Variants in CACNB4 observed in about 807,000 individuals in gnomAD.
CACNB4 encodes the protein voltage-dependent L-type calcium channel subunit beta-4.
A neutral mutation model predicts 71.2 loss-of-function variants in CACNB4; 32 were observed. That is an observed-to-expected ratio of 0.45 (90% CI 0.34 to 0.60). The LOEUF (loss-of-function observed/expected upper bound fraction) is 0.60. Ranked by LOEUF, CACNB4 falls within the 20% of genes least tolerant of loss-of-function variation. The pLI is 0.01. For missense variants in CACNB4, 464 were observed against 647.9 expected, an observed-to-expected ratio of 0.72 and a Z score of 3.08; for synonymous variants, 231 against 236.9, an observed-to-expected ratio of 0.97 and a Z score of 0.23.
chr2:151,943,137 G>A (rs2099864688), intron 2 of CACNB4, among the ~76,000 whole-genome samples: 1 of 152,148 alleles, frequency 6.6e-6, no homozygotes, highest in Non-Finnish European at 1.5e-5. Context: ...TGAGGCTTAG[G>A]TGGGCATCAC....
intron 2 of CACNB4, among the ~76,000 whole-genome samples, chr2:151,890,469 G>A (rs2099850455): frequency 6.6e-6 from 1 of 152,188 alleles, no homozygotes; most frequent in South Asian, 2.1e-4. Context: ...CTGTACGGAT[G>A]AGGCATCTGA....
chr2:151,863,009 T>C (rs2151382051), intron 9 of CACNB4, among the ~76,000 whole-genome samples: 1 of 152,216 alleles, frequency 6.6e-6, no homozygotes. Context: ...CTTTCAGGCA[T>C]GAAGTCTCAT....
intron 2 of CACNB4, among the ~76,000 whole-genome samples, chr2:152,008,321 C>T (rs963311996): frequency 3.3e-5 from 5 of 152,136 alleles, no homozygotes; most frequent in Middle Eastern, 6.8e-3. Context: ...AAGTCTCACT[C>T]TGTCGCCCAG....
chr2:151,958,576 A>C (rs1403291494), intron 2 of CACNB4, among the ~76,000 whole-genome samples: 1 of 152,208 alleles, frequency 6.6e-6, no homozygotes, highest in East Asian at 1.9e-4. Flanking sequence ...CTAAGCCGAA[A>C]GTGGGAGTTC....
At chr2:151,944,027 C>CTTTT (rs377579759) in intron 2 of CACNB4, among the ~76,000 whole-genome samples, 1 of 134,882 alleles carries the variant, frequency 7.4e-6, no homozygotes, top group Non-Finnish European at 1.6e-5. Flanking sequence ...TACTTTCTTT[C>CTTTT]TTTTTTTTTT....
intron 2 of CACNB4, among the ~76,000 whole-genome samples, chr2:152,042,692 A>AT (rs11424683): frequency 0.92 from 140,022 of 152,134 alleles, 64,482 homozygotes; most frequent in East Asian, 0.97. Context: ...AATTTTATTT[A>AT]TTTTATTTTT....
intron 2 of CACNB4, among the ~76,000 whole-genome samples, chr2:151,993,874 T>C (rs1681875122): frequency 6.7e-6 from 1 of 150,114 alleles, no homozygotes; most frequent in South Asian, 2.2e-4. Context: ...GGGACCACTT[T>C]TAAAGTTGAA....
intron 2 of CACNB4, among the ~76,000 whole-genome samples, chr2:152,042,483 T>A (rs1387322673): frequency 2.0e-5 from 3 of 152,144 alleles, no homozygotes; most frequent in Admixed American, 2.0e-4. Context: ...GGCAAGCTAC[T>A]CTTGGAAGTC....
chr2:151,877,354 G>A (rs533960250), intron 4 of CACNB4, among the ~76,000 whole-genome samples: 1 of 152,134 alleles, frequency 6.6e-6, no homozygotes, highest in East Asian at 1.9e-4. Context: ...AAGAGAGTGG[G>A]TCAGACTGGA....
chr2:152,074,137 C>T (rs1316644134), intron 2 of CACNB4, among the ~76,000 whole-genome samples: 1 of 151,946 alleles, frequency 6.6e-6, no homozygotes. Flanking sequence ...GCTATGAATC[C>T]CAACAGGCAG....
chr2:152,095,260 C>T (rs1422359534), intron 2 of CACNB4, among the ~76,000 whole-genome samples: 1 of 152,130 alleles, frequency 6.6e-6, no homozygotes, highest in Non-Finnish European at 1.5e-5. Flanking sequence ...TCTCAGTCTG[C>T]TTGTTTTCCA....
intron 2 of CACNB4, among the ~76,000 whole-genome samples, chr2:151,982,634 A>G (rs1229318739): frequency 2.1e-5 from 3 of 141,980 alleles, no homozygotes; most frequent in Non-Finnish European, 4.7e-5. Context: ...CTCCGTCTCA[A>G]AAAAAAAAAA....
chr2:152,006,101 T>C (rs1330626189), intron 2 of CACNB4, among the ~76,000 whole-genome samples: 4 of 152,246 alleles, frequency 2.6e-5, no homozygotes, highest in Admixed American at 6.5e-5. Flanking sequence ...ATGCCTCATA[T>C]ACCATGTGGT....
chr2:151,960,559 C>T (rs2099869410), intron 2 of CACNB4, among the ~76,000 whole-genome samples: 1 of 152,276 alleles, frequency 6.6e-6, no homozygotes, highest in South Asian at 2.1e-4. Context: ...AAGCAAAAGG[C>T]CACCATGAAC....
chr2:151,918,080 A>C (rs2099858009), intron 2 of CACNB4, among the ~76,000 whole-genome samples: 1 of 152,212 alleles, frequency 6.6e-6, no homozygotes, highest in African/African-American at 2.4e-5. Flanking sequence ...ACTGAGTTCC[A>C]CATTAAGATA....
At chr2:151,848,813 A>T (rs2099838279) in intron 12 of CACNB4, among the ~76,000 whole-genome samples, 1 of 152,180 alleles carries the variant, frequency 6.6e-6, no homozygotes, top group African/African-American at 2.4e-5. Context: ...TATATGTTCA[A>T]TTGTCTGTCT....
intron 2 of CACNB4, among the ~76,000 whole-genome samples, chr2:152,089,521 A>G (rs1687852633): frequency 6.6e-6 from 1 of 152,222 alleles, no homozygotes; most frequent in South Asian, 2.1e-4. Flanking sequence ...ACATGTTTTG[A>G]GGCCTGTCAC....
At chr2:152,002,060 C>T (rs771173237) in intron 2 of CACNB4, among the ~76,000 whole-genome samples, 3 of 152,248 alleles carry the variant, frequency 2.0e-5, no homozygotes, top group Non-Finnish European at 2.9e-5. Flanking sequence ...ACAAGAGGGA[C>T]TGCTCACAAC....
intron 2 of CACNB4, among the ~76,000 whole-genome samples, chr2:152,080,258 A>G (rs1687285759): frequency 6.6e-6 from 1 of 151,882 alleles, no homozygotes; most frequent in Non-Finnish European, 1.5e-5. Flanking sequence ...ACTAGCTGGG[A>G]TTACAGGCGC....
Sources: allele counts gnomAD v4.1 joint callset (sites outside exome capture counted in the v4.1 genomes callset), GRCh38; gene constraint gnomAD v4.1.1; transcripts MANE v1.5; gene names NCBI Gene and HGNC (gene_info 2026-07-23, HGNC 2026-07-21).